Variants in CACNA1H observed in about 807,000 individuals in gnomAD.
CACNA1H encodes the protein voltage-dependent T-type calcium channel subunit alpha-1H.
Under a neutral mutation model 192.5 loss-of-function variants are expected in CACNA1H, and 149 were observed. The observed-to-expected ratio is 0.77, with a 90% CI of 0.68 to 0.89. The LOEUF (loss-of-function observed/expected upper bound fraction) is 0.89. Among genes scored for constraint, CACNA1H ranks in the 40% least tolerant of loss-of-function variants. The pLI, the probability that CACNA1H is intolerant of heterozygous loss-of-function variation, is 0.00. For synonymous variants in CACNA1H, 2,202 were observed against 1,475.2 expected, an observed-to-expected ratio of 1.49 and a Z score of -11.29; for missense variants, 4,257 against 3,423.5, an observed-to-expected ratio of 1.24 and a Z score of -6.08.
In CACNA1H at chr16:1,207,009, G is replaced by T; in HGVS notation, c.2798G>T (p.Gly933Val). 6.3e-7 allele frequency: 1 copy of T among 1,587,830 alleles called. No homozygotes were observed. The highest frequency in any genetic ancestry group is 2.3e-5 in the East Asian group (1 of 43,626). ...CCTGCCCCCACCCTCAGCATCCTGG[G>T]CATGCACCTTTTCGGCTGCAAGTTC... is the stretch of plus-strand genomic sequence containing the variant. Reference protein sequence around the residue: ...MLFIFIFSILGMHLFGCKFSL... With the variant: ...MLFIFIFSILVMHLFGCKFSL... The change falls in exon 13 of 35, where the codon GGC (glycine) becomes GTC (valine). Residue 933 changes from glycine (G) to valine (V), a missense_variant. By Grantham distance (109) the Gly-to-Val change is moderately radical. Transcript: ENST00000348261.
intron 2 of CACNA1H, among the ~76,000 whole-genome samples, chr16:1,158,525 G>A (rs1191015383): frequency 2.0e-5 from 3 of 152,210 alleles, no homozygotes; most frequent in African/African-American, 4.8e-5. Flanking sequence ...CGCACGCCCC[G>A]TGGGACGTCA....
intron 2 of CACNA1H, among the ~76,000 whole-genome samples, chr16:1,168,522 G>A (rs532326007): frequency 4.1e-4 from 62 of 152,098 alleles, no homozygotes; most frequent in Middle Eastern, 6.8e-3. Context: ...CCCAGAGCTG[G>A]GGAGATGCAC....
At chr16:1,208,916 G>A (rs1392146683) in intron 16 of CACNA1H, 116 bp from the exon 17 acceptor site, 4 of 1,125,512 alleles carry the variant, frequency 3.6e-6, no homozygotes, top group African/African-American at 1.6e-5. Flanking sequence ...TGCCTCCCTG[G>A]CGGGGCTATG....
intron 2 of CACNA1H, among the ~76,000 whole-genome samples, chr16:1,163,352 A>C (rs1240969727): frequency 1.3e-5 from 2 of 152,156 alleles, no homozygotes; most frequent in African/African-American, 4.8e-5. Context: ...GTGTGGAGCT[A>C]CGAGTCTCCC....
intron 2 of CACNA1H, among the ~76,000 whole-genome samples, chr16:1,165,150 C>A (rs985128839): frequency 6.6e-6 from 1 of 151,944 alleles, no homozygotes; most frequent in Non-Finnish European, 1.5e-5. Flanking sequence ...GGTGGGGGTG[C>A]GGCAGGCACC....
rs1164955882 is a variant in CACNA1H, at chr16:1,153,964, C to T, written c.227C>T (p.Ala76Val). The T allele has an allele frequency of 3.5e-6, 5 of 1,448,516 alleles. No individual in the cohort carries two copies. Among genetic ancestry groups the T allele is most frequent in the Admixed American group, 2.4e-5 (1 of 41,052 alleles). 89.7% of individuals were successfully genotyped at this position (1,448,516 alleles called of 1,614,324 possible). Reference sequence around the variant, plus strand: ...CAGCGCGTCCCGTACCCGGCCTTGGCGGCCACGGTCTTCTTCTGCCTCGGT... The same window carrying T: ...CAGCGCGTCCCGTACCCGGCCTTGGTGGCCACGGTCTTCTTCTGCCTCGGT... ...EEQRVPYPAL[A>V]ATVFFCLGQT... Residue 76 changes from alanine to valine, a missense_variant, in exon 2 of 35, where the codon GCG (alanine) becomes GTG (valine). Physicochemically the swap from Ala to Val is moderately conservative, Grantham distance 64. Transcript: ENST00000348261.
intron 25 of CACNA1H, 126 bp downstream of exon 25, chr16:1,212,264 CCTGCATGGGGG>C (rs1317493399): frequency 7.3e-7 from 1 of 1,371,952 alleles, no homozygotes. Flanking sequence ...CTTGCCTGGG[CCTGCATGGGGG>C]CTGGGCCTTG....
chr16:1,213,742 G>GA (rs759166578), intron 26 of CACNA1H, 38 bp from the exon 27 acceptor site: 70 of 1,473,002 alleles, frequency 4.8e-5, no homozygotes, highest in Admixed American at 1.1e-4. Flanking sequence ...GCGCCGGGCG[G>GA]CCCTCCTGCC....
rs1345248650 is a variant in CACNA1H at position 1,220,961 on chromosome 16, T to C, written c.7029T>C (p.Pro2343=). The part of the protein sequence containing the change: ...LEKPGSPSAT[P]APGGGADDPV ...AACCAGGGTCCCCCTCAGCCACCCCTGCCCCAGGGGGTGGTGCAGATGACC... is the reference window on the plus strand; with the variant it reads ...AACCAGGGTCCCCCTCAGCCACCCCCGCCCCAGGGGGTGGTGCAGATGACC... Residue 2343 remains proline (P), a synonymous_variant, in exon 35 of 35, where the codon CCT becomes CCC. Transcript: ENST00000348261. The C allele has an allele frequency of 6.2e-7, 1 of 1,604,402 alleles. No individual in the cohort carries two copies. The highest frequency in any genetic ancestry group is 1.1e-5 in the South Asian group (1 of 90,536).
intron 2 of CACNA1H, among the ~76,000 whole-genome samples, chr16:1,158,435 C>T (rs1404133140): frequency 6.6e-6 from 1 of 152,126 alleles, no homozygotes; most frequent in Non-Finnish European, 1.5e-5. Flanking sequence ...GGAAGAGAGG[C>T]CCCCGGGGAT....
chr16:1,175,417 C>T (rs1297010644), intron 2 of CACNA1H, among the ~76,000 whole-genome samples: 1 of 152,164 alleles, frequency 6.6e-6, no homozygotes, highest in Non-Finnish European at 1.5e-5. Flanking sequence ...TGACAGGAGA[C>T]AGGGTCTGGG....
intron 2 of CACNA1H, among the ~76,000 whole-genome samples, chr16:1,177,778 G>T (rs1965038822): frequency 6.6e-6 from 1 of 151,938 alleles, no homozygotes; most frequent in Non-Finnish European, 1.5e-5. Flanking sequence ...CTGGTGGGAG[G>T]TGGAGGGGTC....
rs576494525 is a variant in CACNA1H, at chr16:1,161,257, A to G, written c.299+7221A>G. Among the ~76,000 whole-genome samples the G allele has an allele frequency of 2.6e-5, 4 of 152,260 alleles. No homozygotes were observed. In the South Asian group the frequency reaches 8.3e-4, roughly 32 times the overall value. ...CTTTGTGGATGGACCGTTAGGTGACACGGGATGTTGGCATTAATGAACGCT... is the reference window on the plus strand; with the variant it reads ...CTTTGTGGATGGACCGTTAGGTGACGCGGGATGTTGGCATTAATGAACGCT... On this transcript the variant is annotated intron_variant, in intron 2 of 34. Coordinates refer to ENST00000348261, the MANE Select transcript of CACNA1H (RefSeq NM_021098.3).
In CACNA1H at chr16:1,207,928, C is replaced by T. The variant is rs926329083; in HGVS notation, c.3154+68C>T. 16 of 1,542,440 alleles carry T rather than the reference C, an allele frequency of 1.0e-5. No individual in the cohort carries two copies. In the South Asian group the frequency reaches 1.4e-4, roughly 14 times the overall value. The stretch of plus-strand genomic sequence containing the variant: ...TACGCTGGGCTGGCCGGGCAGGGCC[C>T]CCATAAGGCAATCCCTAGGTTGGGG... On this transcript the variant is annotated intron_variant, in intron 15 of 34. Transcript: ENST00000348261.
chr16:1,202,946 A>G (rs944755650), intron 9 of CACNA1H, among the ~76,000 whole-genome samples: 16 of 151,488 alleles, frequency 1.1e-4, no homozygotes, highest in African/African-American at 3.2e-4. Flanking sequence ...GGGTTCTCCT[A>G]TGCGGGGCCT....
chr16:1,193,753 T>A (rs1179888684), intron 2 of CACNA1H, among the ~76,000 whole-genome samples: 4 of 152,130 alleles, frequency 2.6e-5, no homozygotes, highest in Admixed American at 6.5e-5. Flanking sequence ...CATCAAATGC[T>A]GACCTGCTAG....
chr16:1,190,391 A>T (rs1200153459), intron 2 of CACNA1H, among the ~76,000 whole-genome samples: 7 of 152,208 alleles, frequency 4.6e-5, no homozygotes. Flanking sequence ...GCCTGTCCTC[A>T]GCTGCCCACA....
At chr16:1,187,696 G>C (rs1966210138) in intron 2 of CACNA1H, among the ~76,000 whole-genome samples, 1 of 152,158 alleles carries the variant, frequency 6.6e-6, no homozygotes, top group East Asian at 1.9e-4. Context: ...CCCTGCTTGG[G>C]GGCCACTCTG....
chr16:1,174,788 A>G (rs1264081053), intron 2 of CACNA1H, among the ~76,000 whole-genome samples: 1 of 152,230 alleles, frequency 6.6e-6, no homozygotes, highest in Non-Finnish European at 1.5e-5. Context: ...TGGTGGATCG[A>G]TTCAGACATG....
Sources: allele counts gnomAD v4.1 joint callset (sites outside exome capture counted in the v4.1 genomes callset), GRCh38; gene constraint gnomAD v4.1.1; transcripts MANE v1.5; gene names NCBI Gene and HGNC (gene_info 2026-07-23, HGNC 2026-07-21).